Variants in TRPM3 observed in about 807,000 individuals in gnomAD.
TRPM3 encodes the protein long transient receptor potential channel 3.
TRPM3 carries 77 observed loss-of-function variants against 181.2 expected under a neutral mutation model. The observed-to-expected ratio is 0.42, with a 90% CI of 0.35 to 0.51. The LOEUF (loss-of-function observed/expected upper bound fraction) is 0.51, where lower values mean the gene tolerates loss of function less well. Among genes scored for constraint, TRPM3 ranks in the 20% least tolerant of loss-of-function variants. The pLI, the probability that TRPM3 is intolerant of heterozygous loss-of-function variation, is 0.01. For synonymous variants in TRPM3, 745 were observed against 796.4 expected, an observed-to-expected ratio of 0.94 and a Z score of 1.09; for missense variants, 1,759 against 2,196.7, an observed-to-expected ratio of 0.80 and a Z score of 3.98.
intron 9 of TRPM3, among the ~76,000 whole-genome samples, chr9:70,663,915 T>C (rs2061458180): frequency 1.3e-5 from 2 of 152,210 alleles, no homozygotes; most frequent in Non-Finnish European, 2.9e-5. Flanking sequence ...TTATTATTTG[T>C]AGGAGCTGGA....
At chr9:71,390,200 G>A (rs2093030079) in intron 1 of TRPM3, among the ~76,000 whole-genome samples, 1 of 151,984 alleles carries the variant, frequency 6.6e-6, no homozygotes, top group South Asian at 2.1e-4. Flanking sequence ...CATCTCACTG[G>A]CATATGGAAG....
At chr9:70,622,304 G>A (rs1390069994) in intron 14 of TRPM3, among the ~76,000 whole-genome samples, 5 of 152,246 alleles carry the variant, frequency 3.3e-5, no homozygotes, top group East Asian at 3.9e-4. Context: ...GTATTTTGTC[G>A]TAGCAGCCTG....
chr9:71,066,659 C>A (rs893894106), intron 1 of TRPM3, among the ~76,000 whole-genome samples: 1 of 152,142 alleles, frequency 6.6e-6, no homozygotes, highest in African/African-American at 2.4e-5. Flanking sequence ...TTTGGCATAT[C>A]AAGATGTACA....
At chr9:70,932,988 G>C (rs1481495008) in intron 1 of TRPM3, among the ~76,000 whole-genome samples, 1 of 152,168 alleles carries the variant, frequency 6.6e-6, no homozygotes, top group Non-Finnish European at 1.5e-5. Context: ...GGTAATTTCA[G>C]TAAGATTTGA....
chr9:71,237,899 C>T lies in TRPM3; in HGVS notation c.183+208754G>A, dbSNP rs562194510. ...CTGCATGAAGCCTCTTTTATAAGGG[C>T]CTTAATCCTGTTAATTAGGAAGATT... On this transcript the variant is annotated intron_variant, in intron 1 of 24. Coordinates refer to the TRPM3 transcript ENST00000357533. Among the ~76,000 whole-genome samples the T allele has an allele frequency of 1.8e-4, 27 of 152,234 alleles. 1 individual carries two copies. The South Asian group carries it at 3.1e-3, about 18-fold the overall frequency.
chr9:70,549,407 A>T (rs2045909005), intron 25 of TRPM3, 135 bp downstream of exon 25: 1 of 1,206,950 alleles, frequency 8.3e-7, no homozygotes. Flanking sequence ...CTGTTCTCTC[A>T]TAAGCTCCAT....
In TRPM3 at chr9:70,651,463, G is replaced by A. The variant is rs143637871; in HGVS notation, c.1346-10803C>T. 9.3e-3 allele frequency among the ~76,000 whole-genome samples: 1,408 copies of A among 152,196 alleles called. 18 individuals carry two copies. The highest frequency in any genetic ancestry group is 0.032 in the African/African-American group (1,339 of 41,512). ...CTCCTGTAAGCATGGCTTATCTGAC[G>A]TGGCCCACTGCCTCTATTTCTGTGT... On this transcript the variant is annotated intron_variant, in intron 9 of 25. Coordinates refer to ENST00000677713, the MANE Select transcript of TRPM3 (RefSeq NM_001366145.2).
intron 1 of TRPM3, among the ~76,000 whole-genome samples, chr9:71,173,209 T>A (rs544614694): frequency 1.3e-5 from 2 of 152,208 alleles, no homozygotes; most frequent in Non-Finnish European, 2.9e-5. Flanking sequence ...TGTATGTTAA[T>A]GATAAGCATA....
At chr9:71,333,645 T>C (rs1324246111) in intron 1 of TRPM3, among the ~76,000 whole-genome samples, 1 of 151,874 alleles carries the variant, frequency 6.6e-6, no homozygotes, top group Non-Finnish European at 1.5e-5. Flanking sequence ...ATAGTCCTCT[T>C]CCAGCAGACT....
At chr9:70,684,789 C>T (rs2066347127) in intron 8 of TRPM3, among the ~76,000 whole-genome samples, 1 of 152,132 alleles carries the variant, frequency 6.6e-6, no homozygotes, top group Non-Finnish European at 1.5e-5. Flanking sequence ...ATCTTATTTG[C>T]TAATACTTTA....
chr9:71,175,152 G>A (rs2134846043), intron 1 of TRPM3, among the ~76,000 whole-genome samples: 1 of 152,330 alleles, frequency 6.6e-6, no homozygotes, highest in African/African-American at 2.4e-5. Context: ...TTGGAAGTGA[G>A]AGAAAGTAGG....
At chr9:70,673,485 T>G (rs1254096464) in intron 9 of TRPM3, among the ~76,000 whole-genome samples, 2 of 152,194 alleles carry the variant, frequency 1.3e-5, no homozygotes, top group African/African-American at 4.8e-5. Flanking sequence ...AGTCCCTAAC[T>G]AAAACACTTT....
At chr9:71,188,889 A>T (rs1423276342) in intron 1 of TRPM3, among the ~76,000 whole-genome samples, 1 of 152,008 alleles carries the variant, frequency 6.6e-6, no homozygotes, top group Admixed American at 6.6e-5. Flanking sequence ...TAATAAGCAC[A>T]GTGGCATATA....
At chr9:71,386,653 C>T (rs956229825) in intron 1 of TRPM3, among the ~76,000 whole-genome samples, 1 of 151,960 alleles carries the variant, frequency 6.6e-6, no homozygotes, top group Non-Finnish European at 1.5e-5. Context: ...CAATGGTAAT[C>T]CCTAAATAAT....
intron 1 of TRPM3, among the ~76,000 whole-genome samples, chr9:71,231,136 C>T (rs997188685): frequency 6.6e-6 from 1 of 152,090 alleles, no homozygotes; most frequent in African/African-American, 2.4e-5. Flanking sequence ...TAGTCATATC[C>T]TAATCCCCAC....
intron 1 of TRPM3, among the ~76,000 whole-genome samples, chr9:71,396,143 T>C (rs75768622): frequency 0.024 from 3,633 of 152,280 alleles, 93 homozygotes; most frequent in African/African-American, 0.06. Context: ...CGTTTGTAAA[T>C]GGTTTTCTGC....
chr9:70,537,301 A>G lies in TRPM3; in HGVS notation c.3812T>C (p.Leu1271Pro). The G allele has an allele frequency of 6.5e-7, 1 of 1,542,852 alleles. No homozygotes were observed. The highest frequency in any genetic ancestry group is 8.8e-7 in the Non-Finnish European group (1 of 1,142,374). Residue 1271 changes from leucine (L) to proline (P), a missense_variant, in exon 26 of 26, where the codon CTT (leucine) becomes CCT (proline). Leu to Pro is a moderately conservative substitution (Grantham distance 98, BLOSUM62 -3). Around this residue, in one of 8 missense-constraint regions of TRPM3, gnomAD observed 612 missense variants for 590.0 expected, o/e 1.04. Transcript: ENST00000677713. Reference sequence around the variant, plus strand: ...CAGGGCCGTGGCCATGCGCCCGATAAGGTCTTCCAGCTGCGCCAGCCGGAT... The same window carrying G: ...CAGGGCCGTGGCCATGCGCCCGATAGGGTCTTCCAGCTGCGCCAGCCGGAT... The part of the protein sequence containing the change: ...VDIRLAQLED[L>P]IGRMATALER...
At chr9:70,593,832 A>G (rs2132573010) in intron 21 of TRPM3, among the ~76,000 whole-genome samples, 1 of 148,176 alleles carries the variant, frequency 6.7e-6, no homozygotes, top group South Asian at 2.1e-4. Flanking sequence ...TCTACAGAGG[A>G]GAGTATATAA....
At chr9:71,175,610 C>T (rs2077068058) in intron 1 of TRPM3, among the ~76,000 whole-genome samples, 2 of 152,292 alleles carry the variant, frequency 1.3e-5, no homozygotes, top group Non-Finnish European at 2.9e-5. Context: ...AAGTAACATC[C>T]ATTGATCAGA....
Sources: gnomAD v4.1 joint callset for allele counts (sites outside exome capture counted in the v4.1 genomes callset) on GRCh38, gnomAD v4.1.1 for gene constraint, gnomAD v4.1.1 regional missense constraint, MANE v1.5 for transcripts, NCBI Gene and HGNC (gene_info 2026-07-23, HGNC 2026-07-21) for gene names.